The following SLBP variants were observed in gnomAD, a reference collection of about 807,000 sequenced individuals.
SLBP encodes the protein histone RNA hairpin-binding protein.
A neutral mutation model predicts 39.2 loss-of-function variants in SLBP; 29 were observed. The ratio of observed to expected loss-of-function variants is 0.74; its 90% confidence interval spans 0.55 to 1.01. The LOEUF (loss-of-function observed/expected upper bound fraction) is 1.01. Among genes scored for constraint, SLBP ranks in the 50% least tolerant of loss-of-function variants. The pLI, the probability that SLBP is intolerant of heterozygous loss-of-function variation, is 0.00. For synonymous variants in SLBP, 129 were observed against 118.7 expected (o/e 1.09, Z -0.57); for missense variants, 390 against 350.2 (o/e 1.11, Z -0.91).
At chr4:1,711,465 G>A (rs1716765547) in intron 2 of SLBP, among the ~76,000 whole-genome samples, 2 of 152,010 alleles carry the variant, frequency 1.3e-5, no homozygotes, top group East Asian at 1.9e-4. Context: ...CCTTTCGCTC[G>A]CATCTCCACC....
chr4:1,710,591 TGAA>T, intron 2 of SLBP, among the ~76,000 whole-genome samples: 1 of 152,252 alleles, frequency 6.6e-6, no homozygotes, highest in East Asian at 1.9e-4. Context: ...AAAAGTAGGT[TGAA>T]GGAGAAAGAT....
intron 4 of SLBP, 43 bp downstream of exon 4, chr4:1,699,968 C>T (rs780009132): frequency 1.5e-6 from 2 of 1,352,338 alleles, no homozygotes; most frequent in Admixed American, 4.4e-5. Flanking sequence ...TAACAAATTA[C>T]AGGTCTATCA....
chr4:1,698,087 C>T (rs1252519537), intron 5 of SLBP, among the ~76,000 whole-genome samples: 1 of 150,186 alleles, frequency 6.7e-6, no homozygotes, highest in Non-Finnish European at 1.5e-5. Flanking sequence ...GATGGTTGGG[C>T]GTGGTGGCTC....
Position 1,693,569 on chromosome 4 carries a change from G to A in SLBP, c.*28C>T. On this transcript the variant is annotated 3_prime_UTR_variant, in exon 8 of 8. Transcript: ENST00000489418. ...CCTTCCACCTAGTCGGGGAGGAGCT[G>A]TTTCTCTTCCTGGCCGCCAGGGGGC... 1 of 1,417,404 alleles carries A rather than the reference G, an allele frequency of 7.1e-7. No homozygotes were observed. The highest frequency in any genetic ancestry group is 1.0e-6 in the Non-Finnish European group (1 of 1,000,872). 87.8% of individuals were successfully genotyped at this position (1,417,404 alleles called of 1,614,324 possible). A position where few individuals can be genotyped will look rare whatever the true frequency, so the allele number is the denominator to read the frequency against.
chr4:1,697,664 A>C (rs1158567866), intron 5 of SLBP, among the ~76,000 whole-genome samples: 8 of 151,732 alleles, frequency 5.3e-5, no homozygotes, highest in African/African-American at 1.7e-4. Flanking sequence ...AACATGGAGA[A>C]ACACCATCTG....
intron 2 of SLBP, among the ~76,000 whole-genome samples, chr4:1,704,201 C>T (rs1716434863): frequency 6.6e-6 from 1 of 152,096 alleles, no homozygotes; most frequent in African/African-American, 2.4e-5. Context: ...CAACTTATTT[C>T]GTTCATCTCT....
chr4:1,695,462 C>T lies in SLBP; in HGVS notation c.630-622G>A, dbSNP rs1716071576. Reference sequence around the variant, plus strand: ...CTGGTCAGCAGGTATTGCCATGATGCAGCAAAAGTTCAGGCCTGAGACATT... The same window carrying T: ...CTGGTCAGCAGGTATTGCCATGATGTAGCAAAAGTTCAGGCCTGAGACATT... On this transcript the variant is annotated intron_variant, in intron 6 of 7. Transcript: ENST00000489418. 2.0e-5 allele frequency among the ~76,000 whole-genome samples: 3 copies of T among 152,280 alleles called. No homozygotes were observed. In the South Asian group the frequency reaches 6.2e-4, roughly 32 times the overall value.
intron 3 of SLBP, among the ~76,000 whole-genome samples, chr4:1,701,585 C>T (rs1716332627): frequency 6.6e-6 from 1 of 152,198 alleles, no homozygotes; most frequent in African/African-American, 2.4e-5. Flanking sequence ...AAAGGGCCAG[C>T]AGTTTAAATT....
chr4:1,707,808 T>G (rs149441175), intron 2 of SLBP, among the ~76,000 whole-genome samples: 68 of 152,100 alleles, frequency 4.5e-4, no homozygotes, highest in African/African-American at 1.5e-3. Flanking sequence ...AGGATAGGCA[T>G]AGTGGCTCAC....
chr4:1,695,639 G>A (rs914113487), intron 6 of SLBP, among the ~76,000 whole-genome samples: 1 of 151,986 alleles, frequency 6.6e-6, no homozygotes, highest in Admixed American at 6.6e-5. Flanking sequence ...AAAATAGCTG[G>A]GCGTGGTGGC....
intron 2 of SLBP, among the ~76,000 whole-genome samples, chr4:1,710,111 T>C (rs1327976692): frequency 6.6e-6 from 1 of 152,098 alleles, no homozygotes; most frequent in African/African-American, 2.4e-5. Flanking sequence ...ACTCCTGACC[T>C]CAGGTGATGG....
intron 2 of SLBP, among the ~76,000 whole-genome samples, chr4:1,708,585 CA>C (rs1716612183): frequency 6.6e-6 from 1 of 152,208 alleles, no homozygotes; most frequent in South Asian, 2.1e-4. Context: ...GCCAACATAA[CA>C]AATTCCTGAA....
chr4:1,704,287 C>T (rs145680594), intron 2 of SLBP, among the ~76,000 whole-genome samples: 104 of 152,146 alleles, frequency 6.8e-4, no homozygotes, highest in African/African-American at 2.4e-3. Flanking sequence ...TCAGAAAAAC[C>T]CATATCTAGT....
At chr4:1,705,912 G>C (rs946586772) in intron 2 of SLBP, among the ~76,000 whole-genome samples, 14 of 152,198 alleles carry the variant, frequency 9.2e-5, no homozygotes, top group African/African-American at 3.1e-4. Flanking sequence ...CTCTAGCCCA[G>C]GAGGTCAAGG....
chr4:1,702,180 C>T (rs1338146435), intron 3 of SLBP, among the ~76,000 whole-genome samples: 2 of 152,176 alleles, frequency 1.3e-5, no homozygotes, highest in Non-Finnish European at 2.9e-5. Flanking sequence ...GTGCATGCAA[C>T]ACAAACTATA....
chr4:1,710,671 T>C (rs1716719228), intron 2 of SLBP, among the ~76,000 whole-genome samples: 1 of 152,080 alleles, frequency 6.6e-6, no homozygotes, highest in African/African-American at 2.4e-5. Flanking sequence ...GTGTGCTCAG[T>C]AAGTCGCCAC....
At chr4:1,707,448 C>A (rs1210774011) in intron 2 of SLBP, among the ~76,000 whole-genome samples, 3 of 150,484 alleles carry the variant, frequency 2.0e-5, no homozygotes, top group African/African-American at 7.3e-5. Flanking sequence ...GGAGGTTGCA[C>A]TCCAGCCTGG....
intron 2 of SLBP, among the ~76,000 whole-genome samples, chr4:1,706,185 C>A (rs537148533): frequency 6.6e-6 from 1 of 152,272 alleles, no homozygotes; most frequent in East Asian, 1.9e-4. Context: ...ACTAGGGAGG[C>A]TGAGGCAGGA....
Position 1,693,666 on chromosome 4 carries a change from T to C in SLBP, c.744A>G (p.Gln248=). The C allele has an allele frequency of 3.1e-6, 5 of 1,614,028 alleles. No homozygotes were observed. Among genetic ancestry groups the C allele is most frequent in the Non-Finnish European group, 4.2e-6 (5 of 1,179,872 alleles). ...CTTCCAAATCAAACTCATCCTCCAC[T>C]TGACTGTCCATGTGTCTCACCTTGG... is the stretch of plus-strand genomic sequence containing the variant. The part of the protein sequence containing the change: ...TPTKVRHMDS[Q]VEDEFDLEAC... The change falls in exon 8 of 8, where the codon CAA becomes CAG. Residue 248 remains glutamine, a synonymous_variant. Coordinates refer to ENST00000489418, the MANE Select transcript of SLBP (RefSeq NM_006527.4).
Sources: allele counts gnomAD v4.1 joint callset (sites outside exome capture counted in the v4.1 genomes callset), GRCh38; gene constraint gnomAD v4.1.1; transcripts MANE v1.5; gene names NCBI Gene and HGNC (gene_info 2026-07-23, HGNC 2026-07-21).